The following GRK5 variants were observed in gnomAD, a reference collection of about 807,000 sequenced individuals.
GRK5 encodes G protein-coupled receptor kinase 5, also known as g protein-coupled receptor kinase GRK5.
Under a neutral mutation model 78.4 loss-of-function variants are expected in GRK5, and 40 were observed. The observed-to-expected ratio is 0.51, with a 90% CI of 0.40 to 0.66. GRK5 has a LOEUF of 0.66. GRK5 is among the 30% of genes least tolerant of loss of function. The pLI is 0.00. For synonymous variants in GRK5, 289 were observed against 296.8 expected, an observed-to-expected ratio of 0.97 and a Z score of 0.27; for missense variants, 598 against 759.9, an observed-to-expected ratio of 0.79 and a Z score of 2.50.
intron 2 of GRK5, among the ~76,000 whole-genome samples, chr10:119,364,174 A>C (rs990146398): frequency 1.3e-5 from 2 of 152,206 alleles, no homozygotes; most frequent in African/African-American, 4.8e-5. Flanking sequence ...AGAGGGAGCC[A>C]GCCTTGCAGA....
chr10:119,236,223 T>C (rs1848923283), intron 1 of GRK5, among the ~76,000 whole-genome samples: 1 of 152,174 alleles, frequency 6.6e-6, no homozygotes, highest in Non-Finnish European at 1.5e-5. Flanking sequence ...TATTTTTTTT[T>C]TCTTTTTTTT....
chr10:119,450,999 T>C (rs1853271737), intron 13 of GRK5, among the ~76,000 whole-genome samples: 1 of 21,150 alleles, frequency 4.7e-5, no homozygotes, highest in Non-Finnish European at 8.8e-5. Flanking sequence ...CAGTCTTCCC[T>C]GCCAGCCCCC....
intron 9 of GRK5, among the ~76,000 whole-genome samples, chr10:119,437,593 A>C (rs935794175): frequency 7.9e-5 from 12 of 152,212 alleles, no homozygotes; most frequent in Non-Finnish European, 1.6e-4. Context: ...ATTGATTTCC[A>C]CCTGCATTTA....
chr10:119,340,108 TTTTG>T (rs1040678487), intron 2 of GRK5, among the ~76,000 whole-genome samples: 10 of 149,690 alleles, frequency 6.7e-5, no homozygotes, highest in East Asian at 1.9e-4. Flanking sequence ...AGTGTGGTTT[TTTTG>T]TTTGTTTGTT....
At chr10:119,432,530 C>G (rs1475665032) in intron 8 of GRK5, among the ~76,000 whole-genome samples, 1 of 152,230 alleles carries the variant, frequency 6.6e-6, no homozygotes, top group African/African-American at 2.4e-5. Flanking sequence ...CACAATAAAA[C>G]GAAAAGCTTC....
At chr10:119,321,534 C>T (rs541192530) in intron 1 of GRK5, among the ~76,000 whole-genome samples, 4 of 152,354 alleles carry the variant, frequency 2.6e-5, no homozygotes, top group African/African-American at 9.6e-5. Context: ...CATTGCATCA[C>T]TCTGACACTG....
At chr10:119,270,618 A>G (rs1234648764) in intron 1 of GRK5, among the ~76,000 whole-genome samples, 1 of 152,266 alleles carries the variant, frequency 6.6e-6, no homozygotes, top group Non-Finnish European at 1.5e-5. Flanking sequence ...TGACAGGCCC[A>G]TAAGCTGCTC....
chr10:119,304,284 C>CTTG (rs1850235351), intron 1 of GRK5, among the ~76,000 whole-genome samples: 1 of 75,042 alleles, frequency 1.3e-5, no homozygotes, highest in Non-Finnish European at 2.5e-5. Flanking sequence ...GTGTGAGCTG[C>CTTG]TTTTTTTTTT....
chr10:119,263,846 T>C (rs1329575099), intron 1 of GRK5, among the ~76,000 whole-genome samples: 1 of 152,148 alleles, frequency 6.6e-6, no homozygotes, highest in Non-Finnish European at 1.5e-5. Context: ...GAGAATGGCA[T>C]GAACCCAGGA....
intron 3 of GRK5, among the ~76,000 whole-genome samples, chr10:119,388,572 A>C (rs555401236): frequency 3.3e-4 from 51 of 152,286 alleles, no homozygotes; most frequent in African/African-American, 1.2e-3. Context: ...CCTGACCTCA[A>C]GTGATCTGCC....
intron 1 of GRK5, among the ~76,000 whole-genome samples, chr10:119,225,915 C>T (rs554893145): frequency 6.6e-6 from 1 of 151,280 alleles, no homozygotes; most frequent in African/African-American, 2.4e-5. Context: ...GTGGCATGAT[C>T]TTGGCTCACT....
At position 119,380,911 on chromosome 10, in the gene GRK5, A is replaced by G; in HGVS notation, c.245A>G (p.Gln82Arg). 1 of 1,610,190 alleles carries G rather than the reference A, an allele frequency of 6.2e-7. No homozygotes were observed. Among genetic ancestry groups the G allele is most frequent in the South Asian group, 1.1e-5 (1 of 90,940 alleles). The change falls in exon 3 of 16, where the codon CAG (glutamine) becomes CGG (arginine). Residue 82 changes from glutamine (Q) to arginine (R), a missense_variant. Transcript: ENST00000392870. ...ETRPGLECYI[Q>R]FLDSVAEYEV... ...AGGCCTGGGCTGGAGTGTTACATTCAGTTCCTGGACTCCGTGGTAAGTTCC... is the reference window on the plus strand; with the variant it reads ...AGGCCTGGGCTGGAGTGTTACATTCGGTTCCTGGACTCCGTGGTAAGTTCC...
chr10:119,269,953 G>A (rs1206956638), intron 1 of GRK5, among the ~76,000 whole-genome samples: 1 of 152,040 alleles, frequency 6.6e-6, no homozygotes, highest in African/African-American at 2.4e-5. Context: ...GAGGGAGGGG[G>A]CCTTGTGCCA....
At chr10:119,444,572 G>T (rs912422546) in intron 12 of GRK5, among the ~76,000 whole-genome samples, 1 of 152,082 alleles carries the variant, frequency 6.6e-6, no homozygotes, top group African/African-American at 2.4e-5. Flanking sequence ...CCTCCTTATG[G>T]TCCCCAGCAC....
intron 12 of GRK5, among the ~76,000 whole-genome samples, chr10:119,446,903 T>C (rs536077034): frequency 3.9e-4 from 59 of 152,188 alleles, no homozygotes; most frequent in Admixed American, 7.9e-4. Flanking sequence ...GAAGTGTACA[T>C]GGGATGAATA....
In GRK5 at chr10:119,271,957, T is replaced by C. The variant is rs944491942; in HGVS notation, c.53-54559T>C. ...TTATTCCTTGTCTGTGGGGCCCTGT[T>C]TTGTGGGCTTGCCACAGTCTCATGA... is the stretch of plus-strand genomic sequence containing the variant. On this transcript the variant is annotated intron_variant, in intron 1 of 15. Transcript: ENST00000392870. This position sits in a 1 kb window ranked among gnomAD's most constrained non-coding sequence, Gnocchi z 4.1. Among the ~76,000 whole-genome samples the C allele has an allele frequency of 1.3e-5, 2 of 152,244 alleles. No individual in the cohort carries two copies. The highest frequency in any genetic ancestry group is 2.9e-5 in the Non-Finnish European group (2 of 68,036).
chr10:119,432,407 C>T (rs1216685037), intron 8 of GRK5, among the ~76,000 whole-genome samples: 2 of 152,226 alleles, frequency 1.3e-5, no homozygotes, highest in Non-Finnish European at 2.9e-5. Flanking sequence ...ATGATCGTGC[C>T]ACTGCACCCC....
intron 1 of GRK5, among the ~76,000 whole-genome samples, chr10:119,269,067 C>T (rs1178462538): frequency 6.6e-6 from 1 of 152,258 alleles, no homozygotes; most frequent in African/African-American, 2.4e-5. Flanking sequence ...GGGGCCTCTG[C>T]CACTGGCTGA....
intron 1 of GRK5, among the ~76,000 whole-genome samples, chr10:119,232,977 CTA>C (rs1238174427): frequency 6.6e-6 from 1 of 152,192 alleles, no homozygotes. Context: ...AGATAAAAAA[CTA>C]TAATATTTGC....
Sources: gnomAD v4.1 joint callset for allele counts (sites outside exome capture counted in the v4.1 genomes callset) on GRCh38, gnomAD v4.1.1 for gene constraint, Gnocchi (gnomAD v3.1) non-coding constraint, MANE v1.5 for transcripts, NCBI Gene and HGNC (gene_info 2026-07-23, HGNC 2026-07-21) for gene names.